The following FGF12 variants were observed in gnomAD, a reference collection of about 807,000 sequenced individuals.
FGF12 encodes fibroblast growth factor 12B.
In FGF12, 14 loss-of-function variants were observed where a neutral mutation model predicts 23.6. That is an observed-to-expected ratio of 0.59 (90% CI 0.39 to 0.93). FGF12 has a LOEUF of 0.93. Among genes scored for constraint, FGF12 ranks in the 40% least tolerant of loss-of-function variants. The pLI, the probability that FGF12 is intolerant of heterozygous loss-of-function variation, is 0.00. For synonymous variants in FGF12, 62 were observed against 77.3 expected (o/e 0.80, Z 1.04); for missense variants, 175 against 217.8 (o/e 0.80, Z 1.24).
intron 2 of FGF12, among the ~76,000 whole-genome samples, chr3:192,403,156 A>C (rs2108772290): frequency 6.6e-6 from 1 of 152,330 alleles, no homozygotes. Flanking sequence ...AATAAAAGCA[A>C]TGAGTTTCCA....
intron 4 of FGF12, chr3:192,244,827 G>C (rs1719800553): frequency 6.6e-6 from 1 of 152,142 alleles, no homozygotes; most frequent in Non-Finnish European, 1.5e-5. Context: ...GAACACAACA[G>C]ATGAAGCTAT....
intron 2 of FGF12, among the ~76,000 whole-genome samples, chr3:192,603,128 A>T (rs1181615997): frequency 6.6e-6 from 1 of 152,170 alleles, no homozygotes; most frequent in Non-Finnish European, 1.5e-5. Flanking sequence ...CTGGAACAAG[A>T]CATGATGTCC....
intron 2 of FGF12, among the ~76,000 whole-genome samples, chr3:192,572,518 G>A (rs981556852): frequency 3.3e-5 from 5 of 152,116 alleles, no homozygotes; most frequent in African/African-American, 1.2e-4. Flanking sequence ...GTTTTGTAGT[G>A]ACACAAACAG....
intron 4 of FGF12, among the ~76,000 whole-genome samples, chr3:192,240,478 C>T (rs1227963788): frequency 6.6e-6 from 1 of 152,082 alleles, no homozygotes; most frequent in Non-Finnish European, 1.5e-5. Flanking sequence ...TGATAACATG[C>T]AACAATAAAT....
intron 4 of FGF12, among the ~76,000 whole-genome samples, chr3:192,273,836 C>T: frequency 6.6e-6 from 1 of 152,018 alleles, no homozygotes; most frequent in East Asian, 1.9e-4. Context: ...TGTCTGCTTG[C>T]TGCCCGTGTC....
intron 2 of FGF12, among the ~76,000 whole-genome samples, chr3:192,397,351 T>C (rs1205522488): frequency 6.6e-6 from 1 of 152,186 alleles, no homozygotes; most frequent in African/African-American, 2.4e-5. Context: ...AGAAAATAGA[T>C]CTCCAGTTTC....
intron 2 of FGF12, among the ~76,000 whole-genome samples, chr3:192,418,652 C>T (rs1459684849): frequency 6.6e-6 from 1 of 152,046 alleles, no homozygotes; most frequent in Non-Finnish European, 1.5e-5. Flanking sequence ...GGGCAGACTT[C>T]CCTCTTGCTG....
At chr3:192,302,266 G>T (rs2049212) in intron 4 of FGF12, among the ~76,000 whole-genome samples, 18,076 of 152,132 alleles carry the variant, frequency 0.12, 1,226 homozygotes, top group African/African-American at 0.17. Flanking sequence ...TGAAGTTCCT[G>T]CCAGGTTAAA....
At chr3:192,277,734 C>T (rs1176662411) in intron 4 of FGF12, among the ~76,000 whole-genome samples, 2 of 152,268 alleles carry the variant, frequency 1.3e-5, no homozygotes, top group East Asian at 3.9e-4. Flanking sequence ...GTCACAGTCC[C>T]TGCAGCTCCT....
chr3:192,638,688 ACCACATGCCC>A (rs1248656786), intron 2 of FGF12, among the ~76,000 whole-genome samples: 23 of 152,236 alleles, frequency 1.5e-4, no homozygotes. Context: ...ATTAAGTTTC[ACCACATGCCC>A]ACAAGGTAGG....
intron 4 of FGF12, among the ~76,000 whole-genome samples, chr3:192,200,044 C>T (rs1000351054): frequency 2.6e-5 from 4 of 151,974 alleles, no homozygotes; most frequent in Admixed American, 2.0e-4. Flanking sequence ...AGGCCGGGTG[C>T]AGTGGCTCAC....
At chr3:192,536,702 G>T (rs1306657575) in intron 2 of FGF12, among the ~76,000 whole-genome samples, 2 of 151,400 alleles carry the variant, frequency 1.3e-5, no homozygotes, top group Non-Finnish European at 2.9e-5. Flanking sequence ...TGTATTTATG[G>T]GGTACATAAG....
chr3:192,210,594 T>A (rs554909381), intron 4 of FGF12, among the ~76,000 whole-genome samples: 1 of 152,370 alleles, frequency 6.6e-6, no homozygotes, highest in East Asian at 1.9e-4. Context: ...TAGGATTTTA[T>A]GAACTTGAAC....
chr3:192,360,403 A>G lies in FGF12; in HGVS notation c.124+25T>C, dbSNP rs756172980. The G allele has an allele frequency of 7.4e-6, 11 of 1,482,152 alleles. No individual in the cohort carries two copies. Among genetic ancestry groups the G allele is most frequent in the Non-Finnish European group, 1.0e-5 (11 of 1,060,136 alleles). 91.8% of individuals were successfully genotyped at this position (1,482,152 alleles called of 1,614,324 possible). ...GGCCCTACATTTGATTTGTAATCAGATTGTAAGAAGCTAATGTTTCTTACT... is the reference window on the plus strand; with the variant it reads ...GGCCCTACATTTGATTTGTAATCAGGTTGTAAGAAGCTAATGTTTCTTACT... On this transcript the variant is annotated intron_variant, in intron 3 of 5. Transcript: ENST00000445105. This position sits in a 1 kb window ranked among gnomAD's most constrained non-coding sequence, Gnocchi z 4.3.
chr3:192,168,579 T>C (rs1441557591), intron 5 of FGF12, among the ~76,000 whole-genome samples: 1 of 152,228 alleles, frequency 6.6e-6, no homozygotes, highest in Non-Finnish European at 1.5e-5. Flanking sequence ...TTACTTTTGC[T>C]CTGAGTAAAC....
At chr3:192,548,617 A>C (rs889120424) in intron 2 of FGF12, among the ~76,000 whole-genome samples, 1 of 152,198 alleles carries the variant, frequency 6.6e-6, no homozygotes, top group Admixed American at 6.5e-5. Flanking sequence ...TTAACTAATT[A>C]ATCAAGGTAT....
intron 4 of FGF12, among the ~76,000 whole-genome samples, chr3:192,260,989 G>A (rs1178196196): frequency 2.0e-5 from 3 of 152,106 alleles, no homozygotes; most frequent in East Asian, 3.9e-4. Context: ...GGCCAAGACA[G>A]ATGGGGGTAG....
intron 2 of FGF12, among the ~76,000 whole-genome samples, chr3:192,615,756 C>G (rs1293585944): frequency 6.6e-6 from 1 of 151,920 alleles, no homozygotes; most frequent in Non-Finnish European, 1.5e-5. Flanking sequence ...CAAAGCATGG[C>G]ATATTCTTGT....
Position 192,593,080 on chromosome 3 carries a change from T to C in FGF12, c.13+134101A>G, listed in dbSNP as rs1046551050. 4.0e-5 allele frequency among the ~76,000 whole-genome samples: 6 copies of C among 151,860 alleles called. 1 individual carries two copies. Among genetic ancestry groups the C allele is most frequent in the Non-Finnish European group, 5.9e-5 (4 of 67,898 alleles). ...CCATGTGATCCCTTTAAAATGCAAG[T>C]AACATAGCATCATTCTTCTGTTCCG... On this transcript the variant is annotated intron_variant, in intron 2 of 5. Coordinates refer to ENST00000445105, the MANE Select transcript of FGF12 (RefSeq NM_004113.6).
Sources: allele counts gnomAD v4.1 joint callset (sites outside exome capture counted in the v4.1 genomes callset), GRCh38; gene constraint gnomAD v4.1.1; non-coding constraint Gnocchi (gnomAD v3.1); transcripts MANE v1.5; gene names NCBI Gene and HGNC (gene_info 2026-07-23, HGNC 2026-07-21).